Variants in BIRC6 observed in about 807,000 individuals in gnomAD.
The protein encoded by BIRC6 is baculoviral IAP repeat containing 6, also known as dual E2 ubiquitin-conjugating enzyme/E3 ubiquitin-protein ligase BIRC6.
Under a neutral mutation model 503.3 loss-of-function variants are expected in BIRC6, and 98 were observed. The observed-to-expected ratio is 0.19, with a 90% CI of 0.17 to 0.23. The LOEUF (loss-of-function observed/expected upper bound fraction) is 0.23. BIRC6 is among the 10% of genes least tolerant of loss of function. The pLI, the probability that BIRC6 is intolerant of heterozygous loss-of-function variation, is 1.00. For missense variants in BIRC6, 5,360 were observed against 5,806.0 expected, an observed-to-expected ratio of 0.92 and a Z score of 2.50; for synonymous variants, 2,240 against 2,078.7, an observed-to-expected ratio of 1.08 and a Z score of -2.11.
chr2:32,464,509 A>C lies in BIRC6; in HGVS notation c.4942A>C (p.Lys1648Gln). The stretch of plus-strand genomic sequence containing the variant: ...TATGTTGCTTTTACTTCTTTTGCAG[A>C]AAGCAAAGCTGGAAGCCAAGTTACA... ...QQQLLKLQQQ[K>Q]AKLEAKLHQT... is the part of the protein sequence containing the mutation. The change falls in exon 25 of 74, where the codon AAA becomes CAA. Residue 1648 changes from lysine (K) to glutamine (Q), a missense_variant and splice_region_variant. Around this residue, in one of 16 missense-constraint regions of BIRC6, gnomAD observed 2,299 missense variants for 2,267.2 expected, o/e 1.01. Coordinates refer to ENST00000421745, the MANE Select transcript of BIRC6 (RefSeq NM_016252.4). The C allele has an allele frequency of 6.4e-7, 1 of 1,558,750 alleles. No homozygotes were observed. The highest frequency in any genetic ancestry group is 8.7e-7 in the Non-Finnish European group (1 of 1,150,420).
At chr2:32,515,908 C>T in intron 55 of BIRC6, 138 bp downstream of exon 55, 3 of 759,296 alleles carry the variant, frequency 4.0e-6, no homozygotes, top group Non-Finnish European at 4.1e-6. Flanking sequence ...GTACTGATAT[C>T]TCCTTTCTCC....
At position 32,508,148 on chromosome 2, in the gene BIRC6, C is replaced by T. The variant is rs2053991259; in HGVS notation, c.9869C>T (p.Thr3290Ile). The T allele has an allele frequency of 1.2e-6, 2 of 1,613,692 alleles. No individual in the cohort carries two copies. Among genetic ancestry groups the T allele is most frequent in the African/African-American group, 1.3e-5 (1 of 74,846 alleles). Residue 3290 changes from threonine (T) to isoleucine (I), a missense_variant, in exon 51 of 74, where the codon ACA becomes ATA. Transcript: ENST00000421745. ...CTACATCGTCCACGGGATGCCAGCA[C>T]ATTAGGCCTTTCACAAATTAAATTA... The part of the protein sequence containing the change: ...LRLHRPRDAS[T>I]LGLSQIKLLG...
chr2:32,407,748 A>G (rs1290931745), intron 9 of BIRC6, among the ~76,000 whole-genome samples: 1 of 152,154 alleles, frequency 6.6e-6, no homozygotes, highest in Non-Finnish European at 1.5e-5. Context: ...AATCTTTAGC[A>G]GTCTTTTGAA....
intron 53 of BIRC6, among the ~76,000 whole-genome samples, chr2:32,510,992 A>G (rs1018569908): frequency 5.3e-5 from 8 of 152,154 alleles, no homozygotes; most frequent in African/African-American, 1.4e-4. Context: ...ATATGTGTAT[A>G]TGAATGTAGG....
chr2:32,502,964 T>G, intron 48 of BIRC6, 73 bp downstream of exon 48: 4 of 1,516,580 alleles, frequency 2.6e-6, no homozygotes, highest in South Asian at 2.4e-5. Context: ...ATTTTTGTAG[T>G]CTTTTGTGGA....
chr2:32,371,380 T>G (rs2035921274), intron 1 of BIRC6, among the ~76,000 whole-genome samples: 1 of 152,016 alleles, frequency 6.6e-6, no homozygotes, highest in South Asian at 2.1e-4. Context: ...TCTATTAGTA[T>G]TATTTTTTTT....
chr2:32,421,420 A>T (rs747480499), intron 10 of BIRC6, among the ~76,000 whole-genome samples: 1 of 152,128 alleles, frequency 6.6e-6, no homozygotes, highest in Admixed American at 6.6e-5. Context: ...AGTTTCTTAA[A>T]GTAGAAGCTT....
At position 32,400,960 on chromosome 2, in the gene BIRC6, G is replaced by C. The variant is rs756524481; in HGVS notation, c.1035-203G>C. 5.3e-5 allele frequency among the ~76,000 whole-genome samples: 8 copies of C among 152,218 alleles called. No individual in the cohort carries two copies. The East Asian group carries it at 1.5e-3, about 29-fold the overall frequency. ...AACAACTGCTATTGTTGAATGTTTG[G>C]AATATTGAATGTGTGAATTTGTAAA... On this transcript the variant is annotated intron_variant, in intron 6 of 73. Transcript: ENST00000421745.
At chr2:32,504,023 TG>T (rs1209512811) in intron 49 of BIRC6, among the ~76,000 whole-genome samples, 13 of 45,610 alleles carry the variant, frequency 2.9e-4, no homozygotes, top group African/African-American at 4.0e-4. Flanking sequence ...GGGCGGGGGG[TG>T]GGGGGGTGTT....
rs59741037 is a variant in BIRC6, at chr2:32,596,944, C to T, written c.13613-807C>T. 6.1e-3 allele frequency among the ~76,000 whole-genome samples: 931 copies of T among 152,288 alleles called. 9 individuals are homozygous for T. Among genetic ancestry groups the T allele is most frequent in the African/African-American group, 0.021 (885 of 41,540 alleles). ...TTAGAATCATATGTCCAGACCCCTT[C>T]ATTAATGTTAGCTAGCTAGAAGAGT... On this transcript the variant is annotated intron_variant, in intron 68 of 73. Coordinates refer to ENST00000421745, the MANE Select transcript of BIRC6 (RefSeq NM_016252.4).
chr2:32,466,573 T>G (rs1306102415), intron 26 of BIRC6, among the ~76,000 whole-genome samples: 1 of 152,220 alleles, frequency 6.6e-6, no homozygotes. Context: ...TTAAGGAAAC[T>G]AAATCAAATA....
chr2:32,436,244 A>G (rs2044683176), intron 15 of BIRC6, 60 bp downstream of exon 15: 1 of 1,277,702 alleles, frequency 7.8e-7, no homozygotes, highest in Non-Finnish European at 1.0e-6. Flanking sequence ...AAAAAGACGA[A>G]AAAAAACTGA....
intron 21 of BIRC6, among the ~76,000 whole-genome samples, 161 bp from the exon 22 acceptor site, chr2:32,448,634 G>C (rs1203593982): frequency 1.3e-5 from 2 of 151,436 alleles, no homozygotes; most frequent in Admixed American, 6.6e-5. Context: ...ATCAGAGGGA[G>C]ACCGTGGAAG....
At chr2:32,463,496 A>T in intron 24 of BIRC6, 115 bp downstream of exon 24, 1 of 1,021,622 alleles carries the variant, frequency 9.8e-7, no homozygotes, top group South Asian at 2.2e-5. Context: ...GATCTGAGCT[A>T]ATCAGTTTCA....
intron 15 of BIRC6, 105 bp downstream of exon 15, chr2:32,436,289 T>G (rs2044689953): frequency 7.4e-6 from 8 of 1,084,808 alleles, no homozygotes; most frequent in Admixed American, 3.8e-5. Context: ...CTTTGGGACT[T>G]TCGTTCGAAA....
chr2:32,523,593 A>G (rs868694395), intron 57 of BIRC6: 7 of 152,358 alleles, frequency 4.6e-5, no homozygotes, highest in Middle Eastern at 3.4e-3. Context: ...AAAACTGTCT[A>G]TAGGCAATTA....
chr2:32,401,842 C>T (rs888307397), intron 8 of BIRC6, among the ~76,000 whole-genome samples: 9 of 152,160 alleles, frequency 5.9e-5, no homozygotes, highest in African/African-American at 2.2e-4. Flanking sequence ...CTTTCTATCA[C>T]AATCTATGTC....
chr2:32,511,201 C>CTTTTTTT, intron 53 of BIRC6, among the ~76,000 whole-genome samples: 57 of 48,560 alleles, frequency 1.2e-3, no homozygotes, highest in Middle Eastern at 0.025. Flanking sequence ...CTTTTCTTTT[C>CTTTTTTT]TTTTTTTTTT....
At chr2:32,493,961 T>A (rs1052829223) in intron 45 of BIRC6, among the ~76,000 whole-genome samples, 1 of 152,178 alleles carries the variant, frequency 6.6e-6, no homozygotes, top group South Asian at 2.1e-4. Flanking sequence ...GTGAAATTTA[T>A]TTTGAAGCTG....
Sources: gnomAD v4.1 joint callset for allele counts (sites outside exome capture counted in the v4.1 genomes callset) on GRCh38, gnomAD v4.1.1 for gene constraint, gnomAD v4.1.1 regional missense constraint, MANE v1.5 for transcripts, NCBI Gene and HGNC (gene_info 2026-07-23, HGNC 2026-07-21) for gene names.